CNTN1: variants seen among roughly 807,000 people sequenced by gnomAD.
CNTN1 encodes the protein contactin-1.
Under a neutral mutation model 126.4 loss-of-function variants are expected in CNTN1, and 38 were observed. The ratio of observed to expected loss-of-function variants is 0.30; its 90% confidence interval spans 0.23 to 0.39. CNTN1 has a LOEUF of 0.39. CNTN1 is among the 10% of genes least tolerant of loss of function. The probability of loss-of-function intolerance (pLI) is 1.00; values close to 1 mark genes in which losing one functional copy is unlikely to be tolerated. For synonymous variants in CNTN1, 413 were observed against 422.6 expected (o/e 0.98, Z 0.28); for missense variants, 1,009 against 1,248.4 (o/e 0.81, Z 2.89).
rs1945983893 is a variant in CNTN1, at chr12:40,933,822, G to A, written c.929G>A (p.Cys310Tyr). The change falls in exon 9 of 24, where the codon TGT (cysteine) becomes TAT (tyrosine). Residue 310 changes from cysteine (C) to tyrosine (Y), a missense_variant. Coordinates refer to ENST00000551295, the MANE Select transcript of CNTN1 (RefSeq NM_001843.4). ...IQLEDEGIYE[C>Y]EAENIRGKDK... Reference sequence around the variant, plus strand: ...CTAGAAGATGAAGGCATCTATGAATGTGAGGCTGAGAACATTAGAGGAAAG... The same window carrying A: ...CTAGAAGATGAAGGCATCTATGAATATGAGGCTGAGAACATTAGAGGAAAG... The A allele has an allele frequency of 6.2e-7, 1 of 1,612,470 alleles. No individual in the cohort carries two copies. The highest frequency in any genetic ancestry group is 8.5e-7 in the Non-Finnish European group (1 of 1,178,998).
chr12:41,042,428 T>C (rs1202334097), intron 23 of CNTN1, among the ~76,000 whole-genome samples: 2 of 152,112 alleles, frequency 1.3e-5, no homozygotes, highest in African/African-American at 4.8e-5. Context: ...AGATGTCTAT[T>C]AGGTCCGCTT....
intron 1 of CNTN1, among the ~76,000 whole-genome samples, chr12:40,793,018 T>C (rs907623991): frequency 6.6e-6 from 1 of 151,698 alleles, no homozygotes; most frequent in African/African-American, 2.4e-5. Context: ...TTCTCCGGAG[T>C]CCTCCTTAGC....
intron 1 of CNTN1, among the ~76,000 whole-genome samples, chr12:40,753,202 C>G (rs1306301393): frequency 6.6e-6 from 1 of 152,098 alleles, no homozygotes; most frequent in Non-Finnish European, 1.5e-5. Context: ...TTCTTCCCTC[C>G]TCCTCATCTC....
At chr12:40,783,572 C>T (rs1436746031) in intron 1 of CNTN1, among the ~76,000 whole-genome samples, 1 of 152,030 alleles carries the variant, frequency 6.6e-6, no homozygotes, top group Non-Finnish European at 1.5e-5. Flanking sequence ...ATGTTATTGA[C>T]AATGTGACTT....
At chr12:40,948,258 C>CTTTTT (rs58087551) in intron 14 of CNTN1, among the ~76,000 whole-genome samples, 1,684 of 62,498 alleles carry the variant, frequency 0.027, 5 homozygotes, top group African/African-American at 0.037. Context: ...TTCTTTCTTT[C>CTTTTT]TTTTTTTTTT....
At chr12:40,938,916 G>A (rs1946170654) in intron 11 of CNTN1, among the ~76,000 whole-genome samples, 1 of 152,072 alleles carries the variant, frequency 6.6e-6, no homozygotes, top group Admixed American at 6.6e-5. Flanking sequence ...TGGGACTACA[G>A]GCATGCACCA....
At chr12:41,063,823 T>G (rs921177551) in intron 23 of CNTN1, among the ~76,000 whole-genome samples, 3 of 152,192 alleles carry the variant, frequency 2.0e-5, no homozygotes, top group African/African-American at 7.2e-5. Flanking sequence ...TGTTTGTTCT[T>G]AAGAATACGT....
At chr12:40,883,767 T>C (rs1181783462) in intron 1 of CNTN1, among the ~76,000 whole-genome samples, 1 of 151,666 alleles carries the variant, frequency 6.6e-6, no homozygotes, top group Admixed American at 6.6e-5. Flanking sequence ...TATTTGGAAA[T>C]AGTTTTGGTT....
At chr12:40,908,575 T>A in intron 2 of CNTN1, 82 bp downstream of exon 2, 1 of 1,018,784 alleles carries the variant, frequency 9.8e-7, no homozygotes, top group Non-Finnish European at 1.5e-6. Context: ...TTGTATGAAG[T>A]AAAAATTCTT....
Position 40,951,672 on chromosome 12 carries a change from G to GCAC in CNTN1, c.1684-7441_1684-7439dup, listed in dbSNP as rs564091468. On this transcript the variant is annotated intron_variant, in intron 14 of 23. Transcript: ENST00000551295. ...TGCAGTGAGCCCAGACTGTGCCACTGCACTCCAGCCTGGGTGAAAGAGTGA... is the reference window on the plus strand; with the variant it reads ...TGCAGTGAGCCCAGACTGTGCCACTGCACCACTCCAGCCTGGGTGAAAGAGTGA... Among the ~76,000 whole-genome samples the GCAC allele has an allele frequency of 7.5e-4, 95 of 126,268 alleles. 2 individuals are homozygous for GCAC. In the East Asian group the frequency reaches 0.021, roughly 28 times the overall value. 82.8% of individuals were successfully genotyped at this position (126,268 alleles called of 152,430 possible).
At chr12:40,756,756 T>C (rs1325952153) in intron 1 of CNTN1, among the ~76,000 whole-genome samples, 3 of 152,178 alleles carry the variant, frequency 2.0e-5, no homozygotes, top group Non-Finnish European at 4.4e-5. Context: ...CAATTTGAAG[T>C]AGTCCCTCAA....
At chr12:40,899,294 T>C (rs1944523165) in intron 1 of CNTN1, among the ~76,000 whole-genome samples, 1 of 152,190 alleles carries the variant, frequency 6.6e-6, no homozygotes, top group African/African-American at 2.4e-5. Flanking sequence ...TCAGATCGGT[T>C]TGAATTGCAG....
chr12:40,803,418 T>G (rs1940727817), intron 1 of CNTN1, among the ~76,000 whole-genome samples: 1 of 152,052 alleles, frequency 6.6e-6, no homozygotes. Context: ...ACCATGAATT[T>G]AATGTTTAAT....
intron 1 of CNTN1, among the ~76,000 whole-genome samples, chr12:40,693,167 C>T (rs1000552704): frequency 6.6e-6 from 1 of 152,198 alleles, no homozygotes; most frequent in African/African-American, 2.4e-5. Flanking sequence ...AGAATCCCTG[C>T]AACTCGAAGG....
chr12:40,892,522 G>A (rs1944273085), intron 1 of CNTN1, among the ~76,000 whole-genome samples: 1 of 151,978 alleles, frequency 6.6e-6, no homozygotes, highest in Non-Finnish European at 1.5e-5. Flanking sequence ...CATTCCCAAA[G>A]AAGGAGACAC....
At position 40,715,730 on chromosome 12, in the gene CNTN1, AT is replaced by A. The variant is rs548141736; in HGVS notation, c.-77+23141del. Among the ~76,000 whole-genome samples the A allele has an allele frequency of 1.9e-4, 29 of 152,284 alleles. No homozygotes were observed. In the South Asian group the frequency reaches 6.0e-3, roughly 32 times the overall value. On this transcript the variant is annotated intron_variant, in intron 1 of 23. Transcript: ENST00000551295. Reference sequence around the variant, plus strand: ...TTTAGCAGTCAGAGGAGTTGATGTAATTTGCCATCACAAATCACTAGTAAAT... The same window carrying A: ...TTTAGCAGTCAGAGGAGTTGATGTAATTGCCATCACAAATCACTAGTAAAT...
At chr12:40,947,782 TACAC>T (rs56852774) in intron 14 of CNTN1, among the ~76,000 whole-genome samples, 32,314 of 118,510 alleles carry the variant, frequency 0.27, 4,202 homozygotes, top group South Asian at 0.34. Flanking sequence ...TATATATATA[TACAC>T]ACACACACAC....
intron 1 of CNTN1, among the ~76,000 whole-genome samples, chr12:40,824,863 G>A (rs561786148): frequency 9.7e-4 from 147 of 152,138 alleles, no homozygotes; most frequent in Admixed American, 1.6e-3. Context: ...GATATGCCTC[G>A]CATAGTGGAA....
intron 1 of CNTN1, among the ~76,000 whole-genome samples, chr12:40,891,913 G>A (rs190576408): frequency 3.9e-5 from 6 of 152,172 alleles, no homozygotes; most frequent in Admixed American, 1.3e-4. Flanking sequence ...CACTGTCAAT[G>A]TAAACAAAAT....
Sources: gnomAD v4.1 joint callset for allele counts (sites outside exome capture counted in the v4.1 genomes callset) on GRCh38, gnomAD v4.1.1 for gene constraint, MANE v1.5 for transcripts, NCBI Gene and HGNC (gene_info 2026-07-23, HGNC 2026-07-21) for gene names.